VRK2: variants seen among roughly 807,000 people sequenced by gnomAD.
VRK2 encodes VRK serine/threonine kinase 2.
Under a neutral mutation model 57.6 loss-of-function variants are expected in VRK2, and 60 were observed. The observed-to-expected ratio is 1.04, with a 90% CI of 0.85 to 1.29. The LOEUF is 1.29. VRK2 is among the 50% of genes most tolerant of loss of function. The pLI is 0.00. For missense variants in VRK2, 705 were observed against 588.1 expected (o/e 1.20, Z -2.06); for synonymous variants, 231 against 199.2 (o/e 1.16, Z -1.35).
At chr2:58,133,858 G>T (rs146692915) in intron 9 of VRK2, among the ~76,000 whole-genome samples, 1 of 152,074 alleles carries the variant, frequency 6.6e-6, no homozygotes, top group African/African-American at 2.4e-5. Context: ...CAATGTTTGC[G>T]TGAATTTTTT....
intron 8 of VRK2, among the ~76,000 whole-genome samples, chr2:58,123,531 G>A (rs1263393997): frequency 6.6e-6 from 1 of 152,162 alleles, no homozygotes; most frequent in Non-Finnish European, 1.5e-5. Context: ...GGTCAGCAGT[G>A]AATGTTTATA....
chr2:57,934,867 G>A (rs1038395243), intron 1 of VRK2, among the ~76,000 whole-genome samples: 2 of 151,408 alleles, frequency 1.3e-5, no homozygotes, highest in African/African-American at 4.9e-5. Context: ...ACTCTCTATT[G>A]CACTTTTCAT....
At chr2:58,093,421 T>G (rs575565039) in intron 7 of VRK2, among the ~76,000 whole-genome samples, 7 of 152,176 alleles carry the variant, frequency 4.6e-5, no homozygotes, top group Non-Finnish European at 1.0e-4. Context: ...CCAGTGATGA[T>G]GAGCATTTTT....
At chr2:57,911,038 C>CT (rs200652554) in intron 1 of VRK2, among the ~76,000 whole-genome samples, 47 of 142,094 alleles carry the variant, frequency 3.3e-4, no homozygotes, top group South Asian at 4.5e-4. Context: ...TTTTTTGGGT[C>CT]TTTTTTTTTT....
At chr2:57,916,587 G>T (rs1394599323) in intron 1 of VRK2, among the ~76,000 whole-genome samples, 1 of 151,906 alleles carries the variant, frequency 6.6e-6, no homozygotes. Flanking sequence ...TTTCATGTAT[G>T]ATATTGGTTT....
At chr2:58,098,242 A>T (rs554233426) in intron 7 of VRK2, among the ~76,000 whole-genome samples, 21 of 148,942 alleles carry the variant, frequency 1.4e-4, no homozygotes, top group African/African-American at 4.8e-4. Context: ...AAAAAGTTTT[A>T]AAAAAATAAA....
intron 12 of VRK2, among the ~76,000 whole-genome samples, chr2:58,157,866 A>C (rs1684198369): frequency 6.6e-6 from 1 of 152,212 alleles, no homozygotes; most frequent in Non-Finnish European, 1.5e-5. Flanking sequence ...ATACATAAAC[A>C]AATTGATGTG....
At chr2:57,961,632 C>G in intron 1 of VRK2, among the ~76,000 whole-genome samples, 1 of 138,956 alleles carries the variant, frequency 7.2e-6, no homozygotes, top group Admixed American at 7.2e-5. Context: ...CACCCCCCCC[C>G]CCACTTATTA....
At chr2:58,069,269 G>C (rs1367508962) in intron 2 of VRK2, among the ~76,000 whole-genome samples, 1 of 152,130 alleles carries the variant, frequency 6.6e-6, no homozygotes, top group Admixed American at 6.6e-5. Flanking sequence ...GTATTGTTCA[G>C]GTCATGTGTG....
chr2:58,131,399 T>C (rs1679166503), intron 8 of VRK2, among the ~76,000 whole-genome samples: 1 of 151,830 alleles, frequency 6.6e-6, no homozygotes, highest in South Asian at 2.1e-4. Flanking sequence ...GCATGACCAA[T>C]GCAGACCCTA....
chr2:58,111,520 A>C (rs1338266355), intron 7 of VRK2, among the ~76,000 whole-genome samples: 1 of 152,204 alleles, frequency 6.6e-6, no homozygotes, highest in Non-Finnish European at 1.5e-5. Context: ...GGGAAGCTGA[A>C]GCAGGAGGAT....
intron 9 of VRK2, 33 bp downstream of exon 9, chr2:58,131,961 C>T: frequency 1.2e-6 from 2 of 1,612,874 alleles, no homozygotes; most frequent in Non-Finnish European, 1.7e-6. Context: ...TCATGTACTG[C>T]ACCAGGTCTG....
intron 1 of VRK2, among the ~76,000 whole-genome samples, chr2:57,959,365 C>A (rs182172692): frequency 6.6e-6 from 1 of 152,314 alleles, no homozygotes. Context: ...AAGAAACAGA[C>A]AGAACAAAGC....
Position 58,122,291 on chromosome 2 carries a change from C to A in VRK2, c.544-810C>A, listed in dbSNP as rs541267350. 2.0e-4 allele frequency among the ~76,000 whole-genome samples: 30 copies of A among 152,280 alleles called. No homozygotes were observed. The South Asian group carries it at 5.0e-3, about 25-fold the overall frequency. On this transcript the variant is annotated intron_variant, in intron 7 of 12. Coordinates refer to ENST00000340157, the MANE Select transcript of VRK2 (RefSeq NM_006296.7). Reference sequence around the variant, plus strand: ...TGCCAGGGTTAGGGGTGCTGACCCCCACTCCCCTGCACAGTCAAAAATTTG... The same window carrying A: ...TGCCAGGGTTAGGGGTGCTGACCCCAACTCCCCTGCACAGTCAAAAATTTG...
intron 1 of VRK2, among the ~76,000 whole-genome samples, chr2:57,986,013 G>C (rs1194057636): frequency 6.6e-6 from 1 of 152,014 alleles, no homozygotes; most frequent in Non-Finnish European, 1.5e-5. Context: ...AAAAATTAAA[G>C]AATACCTTTA....
chr2:58,019,304 A>T (rs916131405), intron 1 of VRK2, among the ~76,000 whole-genome samples: 1 of 152,208 alleles, frequency 6.6e-6, no homozygotes, highest in African/African-American at 2.4e-5. Flanking sequence ...CTGCTTTAAG[A>T]CTAATTAATA....
chr2:57,940,166 G>A (rs1179311710), intron 1 of VRK2, among the ~76,000 whole-genome samples: 1 of 152,072 alleles, frequency 6.6e-6, no homozygotes, highest in African/African-American at 2.4e-5. Flanking sequence ...AATTATGGAG[G>A]CTAAGTCCCA....
intron 1 of VRK2, among the ~76,000 whole-genome samples, chr2:57,961,223 G>T (rs1442694502): frequency 6.6e-6 from 1 of 152,114 alleles, no homozygotes; most frequent in Admixed American, 6.6e-5. Flanking sequence ...TCTCTAAAAA[G>T]GTGACATATG....
chr2:57,941,231 A>G (rs1224264746), intron 1 of VRK2, among the ~76,000 whole-genome samples: 4 of 152,178 alleles, frequency 2.6e-5, no homozygotes, highest in African/African-American at 9.6e-5. Flanking sequence ...AATGAAGCAC[A>G]CAGTGACCTC....
Sources: allele counts gnomAD v4.1 joint callset (sites outside exome capture counted in the v4.1 genomes callset), GRCh38; gene constraint gnomAD v4.1.1; transcripts MANE v1.5; gene names NCBI Gene and HGNC (gene_info 2026-07-23, HGNC 2026-07-21).